Variants in SEPTIN7 observed in about 807,000 individuals in gnomAD.
SEPTIN7 encodes septin-7.
SEPTIN7 carries 10 observed loss-of-function variants against 63.3 expected under a neutral mutation model. The observed-to-expected ratio is 0.16, with a 90% CI of 0.10 to 0.27. The LOEUF (loss-of-function observed/expected upper bound fraction) is 0.27, where lower values mean the gene tolerates loss of function less well. Among genes scored for constraint, SEPTIN7 ranks in the 10% least tolerant of loss-of-function variants. SEPTIN7 has a pLI of 1.00. For synonymous variants in SEPTIN7, 131 were observed against 165.3 expected (o/e 0.79, Z 1.59); for missense variants, 310 against 521.0 (o/e 0.59, Z 3.94).
chr7:35,885,616 C>T (rs889317694), intron 9 of SEPTIN7, among the ~76,000 whole-genome samples: 4 of 152,106 alleles, frequency 2.6e-5, no homozygotes, highest in Non-Finnish European at 5.9e-5. Context: ...ATATCTATTT[C>T]TGAGGATTAA....
At chr7:35,834,041 G>T (rs1034881712) in intron 3 of SEPTIN7, among the ~76,000 whole-genome samples, 6 of 151,962 alleles carry the variant, frequency 3.9e-5, no homozygotes, top group Non-Finnish European at 8.8e-5. Context: ...TATCTAGCTT[G>T]CAAACTGCTG....
intron 3 of SEPTIN7, among the ~76,000 whole-genome samples, chr7:35,834,001 A>G (rs879292204): frequency 2.0e-5 from 3 of 152,020 alleles, no homozygotes; most frequent in Non-Finnish European, 2.9e-5. Flanking sequence ...TACCTTGTCT[A>G]TGTATCTCTT....
downstream of SEPTIN7, among the ~76,000 whole-genome samples, chr7:35,907,703 C>G (rs953923975): frequency 6.6e-5 from 10 of 152,188 alleles, no homozygotes; most frequent in African/African-American, 2.4e-4. Context: ...TAGCACAGAG[C>G]AGATGCTCCC....
In SEPTIN7 at chr7:35,801,135, C is replaced by CG. The variant is rs1200920338; in HGVS notation, c.-73dup. The CG allele has an allele frequency of 1.6e-6, 2 of 1,269,252 alleles. No individual in the cohort carries two copies. Among genetic ancestry groups the CG allele is most frequent in the African/African-American group, 3.2e-5 (2 of 63,322 alleles). The allele number at this position is 1,269,252 out of a possible 1,614,324, so 78.6% of individuals were successfully genotyped here. ...GCAGCTACGCCGGGCGGCTACGCTG[C>CG]GGAATCGGCGTAGGCGCCTTTGGAG... On this transcript the variant is annotated 5_prime_UTR_variant, in exon 1 of 14. Transcript: ENST00000350320.
chr7:35,801,144 C>T lies in SEPTIN7; in HGVS notation c.-66C>T. 2.2e-6 allele frequency: 3 copies of T among 1,360,960 alleles called. No homozygotes were observed. Among genetic ancestry groups the T allele is most frequent in the Non-Finnish European group, 2.9e-6 (3 of 1,019,504 alleles). 84.3% of individuals were successfully genotyped at this position (1,360,960 alleles called of 1,614,324 possible). The stretch of plus-strand genomic sequence containing the variant: ...CCGGGCGGCTACGCTGCGGAATCGG[C>T]GTAGGCGCCTTTGGAGAATCGGCGG... On this transcript the variant is annotated 5_prime_UTR_variant, in exon 1 of 14. Coordinates refer to ENST00000350320, the MANE Select transcript of SEPTIN7 (RefSeq NM_001788.6).
At chr7:35,832,966 T>C (rs1404672108) in intron 3 of SEPTIN7, 66 bp downstream of exon 3, 1 of 889,586 alleles carries the variant, frequency 1.1e-6, no homozygotes, top group East Asian at 2.4e-5. Context: ...CAACTCTGAA[T>C]AGATTTAAGA....
chr7:35,902,075 T>C (rs1388484860), intron 12 of SEPTIN7: 2 of 150,414 alleles, frequency 1.3e-5, no homozygotes, highest in East Asian at 3.9e-4. Context: ...ATAATAGTTA[T>C]ATATTAACAT....
chr7:35,802,954 G>C (rs2115616633), intron 1 of SEPTIN7, among the ~76,000 whole-genome samples: 1 of 152,268 alleles, frequency 6.6e-6, no homozygotes, highest in East Asian at 1.9e-4. Context: ...TTGCATGGTA[G>C]CATTGTCTTA....
chr7:35,829,039 T>A (rs1284376535), intron 1 of SEPTIN7, among the ~76,000 whole-genome samples: 1 of 151,844 alleles, frequency 6.6e-6, no homozygotes, highest in East Asian at 1.9e-4. Flanking sequence ...GAGTCCCAAA[T>A]GATCAGGCCC....
chr7:35,868,135 G>A (rs1269142763), intron 4 of SEPTIN7, among the ~76,000 whole-genome samples: 1 of 152,132 alleles, frequency 6.6e-6, no homozygotes, highest in Non-Finnish European at 1.5e-5. Flanking sequence ...CTCCGAAAGC[G>A]CTGGGATTAC....
chr7:35,882,397 T>C lies in SEPTIN7; in HGVS notation c.631-87T>C. 4 of 988,184 alleles carry C rather than the reference T, an allele frequency of 4.0e-6. No individual in the cohort carries two copies. The South Asian group carries it at 9.8e-5, about 24-fold the overall frequency. 61.2% of individuals were successfully genotyped at this position (988,184 alleles called of 1,614,324 possible). A position where few individuals can be genotyped will look rare whatever the true frequency, so the allele number is the denominator to read the frequency against. On this transcript the variant is annotated intron_variant, in intron 7 of 13. Transcript: ENST00000350320. ...AAGGATCTGGAACCAAGGACCCATA[T>C]AGGAATCGAAGAGGCATGTAATGAA...
chr7:35,801,123 G>A lies in SEPTIN7; in HGVS notation c.-87G>A. The A allele has an allele frequency of 8.8e-7, 1 of 1,132,318 alleles. No homozygotes were observed. Among genetic ancestry groups the A allele is most frequent in the Non-Finnish European group, 1.2e-6 (1 of 828,598 alleles). 70.1% of individuals were successfully genotyped at this position (1,132,318 alleles called of 1,614,324 possible). A position where few individuals can be genotyped will look rare whatever the true frequency, so the allele number is the denominator to read the frequency against. ...TGCGTAAGCAAGGCAGCTACGCCGGGCGGCTACGCTGCGGAATCGGCGTAG... is the reference window on the plus strand; with the variant it reads ...TGCGTAAGCAAGGCAGCTACGCCGGACGGCTACGCTGCGGAATCGGCGTAG... On this transcript the variant is annotated 5_prime_UTR_variant, in exon 1 of 14. Transcript: ENST00000350320.
chr7:35,913,393 C>A, the SEPTIN7 span, among the ~76,000 whole-genome samples: 1 of 151,864 alleles, frequency 6.6e-6, no homozygotes, highest in African/African-American at 2.4e-5. Flanking sequence ...TTTTATCTTT[C>A]TTTCTTTCTT....
At chr7:35,902,962 A>G (rs1788410476) in intron 12 of SEPTIN7, 114 bp from the exon 13 acceptor site, 8 of 1,333,116 alleles carry the variant, frequency 6.0e-6, no homozygotes, top group African/African-American at 4.5e-5. Flanking sequence ...TGAATTTACA[A>G]CAGGGCTATT....
chr7:35,873,791 C>T lies in SEPTIN7; in HGVS notation c.512+16C>T, dbSNP rs568884895. 1.4e-5 allele frequency: 23 copies of T among 1,603,844 alleles called. No homozygotes were observed. The highest frequency in any genetic ancestry group is 1.4e-4 in the Admixed American group (8 of 58,898). On this transcript the variant is annotated intron_variant, in intron 6 of 13. Coordinates refer to ENST00000350320, the MANE Select transcript of SEPTIN7 (RefSeq NM_001788.6). ...CAGGACATGGGTCAGTACCTTGATA[C>T]TTCTGATTCCTTTTTTGTTGTTGTT...
chr7:35,821,714 T>A (rs1173925884), intron 1 of SEPTIN7, among the ~76,000 whole-genome samples: 1 of 152,214 alleles, frequency 6.6e-6, no homozygotes, highest in African/African-American at 2.4e-5. Context: ...ATTCCAAAAG[T>A]CATGTAGGAG....
At chr7:35,810,726 C>A (rs749033692) in intron 1 of SEPTIN7, among the ~76,000 whole-genome samples, 7 of 151,752 alleles carry the variant, frequency 4.6e-5, no homozygotes, top group Non-Finnish European at 2.9e-5. Context: ...CATTTTGTAT[C>A]CTTATATATT....
chr7:35,907,451 T>C (rs1262415714), downstream of SEPTIN7, among the ~76,000 whole-genome samples: 1 of 152,160 alleles, frequency 6.6e-6, no homozygotes, highest in East Asian at 1.9e-4. Flanking sequence ...AGGTAACTTA[T>C]TAATACATTA....
chr7:35,811,831 G>A (rs530562147), intron 1 of SEPTIN7, among the ~76,000 whole-genome samples: 1 of 152,306 alleles, frequency 6.6e-6, no homozygotes, highest in South Asian at 2.1e-4. Context: ...AGACCAGCCT[G>A]GCCAAGAAGG....
Sources: gnomAD v4.1 joint callset for allele counts (sites outside exome capture counted in the v4.1 genomes callset) on GRCh38, gnomAD v4.1.1 for gene constraint, MANE v1.5 for transcripts, NCBI Gene and HGNC (gene_info 2026-07-23, HGNC 2026-07-21) for gene names.